NAP1L4: variants seen among roughly 807,000 people sequenced by gnomAD.
NAP1L4 encodes nucleosome assembly protein 1 like 4, also known as nucleosome assembly protein 1-like 4.
Under a neutral mutation model 58.2 loss-of-function variants are expected in NAP1L4, and 15 were observed. That is an observed-to-expected ratio of 0.26 (90% CI 0.17 to 0.40). The LOEUF is 0.40. Ranked by LOEUF, NAP1L4 falls within the 10% of genes least tolerant of loss-of-function variation. The pLI is 1.00. For synonymous variants in NAP1L4, 171 were observed against 155.6 expected (o/e 1.10, Z -0.74); for missense variants, 384 against 451.1 (o/e 0.85, Z 1.35).
rs1275583724 is a variant in NAP1L4 at position 2,951,262 on chromosome 11, G to T, written c.1119C>A (p.Pro373=). 1.2e-6 allele frequency: 2 copies of T among 1,613,708 alleles called. No homozygotes were observed. Among genetic ancestry groups the T allele is most frequent in the Non-Finnish European group, 1.7e-6 (2 of 1,179,796 alleles). The part of the protein sequence containing the change: ...GEDEDDAEIN[P]KV ...GGGTGGCCCCAAAGTTACCAACCTT[G>T]GGGTTAATTTCCGCATCATCCTCGT... The change falls in exon 14 of 16, where the codon CCC becomes CCA. Residue 373 remains proline, a synonymous_variant. Transcript: ENST00000380542. This position sits in a 1 kb window ranked among gnomAD's most constrained non-coding sequence, Gnocchi z 4.0.
Position 2,955,777 on chromosome 11 carries a change from A to G in NAP1L4, c.893-11T>C. ...CTCCATCCCCGGATGCTAGAAAAAG[A>G]AAAGACAAAACATATTTAAATTACA... On this transcript the variant is annotated splice_polypyrimidine_tract_variant and intron_variant, in intron 10 of 15. Coordinates refer to ENST00000380542, the MANE Select transcript of NAP1L4 (RefSeq NM_005969.4). This position sits in a 1 kb window ranked among gnomAD's most constrained non-coding sequence, Gnocchi z 4.2. 6.2e-7 allele frequency: 1 copy of G among 1,612,100 alleles called. No homozygotes were observed. The highest frequency in any genetic ancestry group is 8.5e-7 in the Non-Finnish European group (1 of 1,178,702).
At chr11:2,972,029 A>G (rs1261499556) in intron 5 of NAP1L4, 73 bp downstream of exon 5, 1 of 1,407,994 alleles carries the variant, frequency 7.1e-7, no homozygotes, top group Non-Finnish European at 9.4e-7. Flanking sequence ...GTCAACTTAT[A>G]ATGGGTTTAT....
At chr11:2,968,505 G>A (rs2133961721) in intron 7 of NAP1L4, among the ~76,000 whole-genome samples, 1 of 152,238 alleles carries the variant, frequency 6.6e-6, no homozygotes, top group Non-Finnish European at 1.5e-5. Flanking sequence ...TTTCTGGTCT[G>A]GAAGGAGAAT....
rs114809364 is a variant in NAP1L4 at position 2,973,271 on chromosome 11, A to G, written c.174-1028T>C. Among the ~76,000 whole-genome samples, 847 of 152,352 alleles carry G rather than the reference A, an allele frequency of 5.6e-3. 4 individuals carry two copies. Among genetic ancestry groups the G allele is most frequent in the African/African-American group, 0.019 (792 of 41,580 alleles). ...ATGTTTTAAAAAATAGTTGTTATGT[A>G]TAACTTTTATAAATCAGAAGAAAAA... On this transcript the variant is annotated intron_variant, in intron 4 of 15. Coordinates refer to ENST00000380542, the MANE Select transcript of NAP1L4 (RefSeq NM_005969.4).
In NAP1L4 at chr11:2,968,225, C is replaced by T. The variant is rs374021118; in HGVS notation, c.534+1578G>A. ...GGAGATTTTCAACTCTCAGGGTGCA[C>T]ATTAGAGTTCCTAAAACCAACTCAA... is the stretch of plus-strand genomic sequence containing the variant. On this transcript the variant is annotated intron_variant, in intron 7 of 15. Coordinates refer to ENST00000380542, the MANE Select transcript of NAP1L4 (RefSeq NM_005969.4). Among the ~76,000 whole-genome samples, 11 of 152,312 alleles carry T rather than the reference C, an allele frequency of 7.2e-5. No individual in the cohort carries two copies. The East Asian group carries it at 1.5e-3, about 21-fold the overall frequency.
intron 7 of NAP1L4, among the ~76,000 whole-genome samples, chr11:2,965,393 T>G (rs1847209977): frequency 6.6e-6 from 1 of 152,198 alleles, no homozygotes; most frequent in Non-Finnish European, 1.5e-5. Context: ...TGGAAGCAGC[T>G]GGTGATGGTA....
At chr11:2,960,359 G>A (rs1846806223) in intron 8 of NAP1L4, among the ~76,000 whole-genome samples, 1 of 152,180 alleles carries the variant, frequency 6.6e-6, no homozygotes, top group Non-Finnish European at 1.5e-5. Context: ...TGCAGTGAAA[G>A]CAGTGACCCA....
rs372910616 is a variant in NAP1L4 at position 2,962,546 on chromosome 11, GAA to G, written c.606+2132_606+2133del. 3.1e-3 allele frequency among the ~76,000 whole-genome samples: 475 copies of G among 152,214 alleles called. 3 individuals are homozygous for G. Among genetic ancestry groups the G allele is most frequent in the African/African-American group, 0.011 (448 of 41,536 alleles). ...GACGCTTCATAATAATTTTACAAAG[GAA>G]AAAGAGTATGGGGAAATTCACTAAG... On this transcript the variant is annotated intron_variant, in intron 8 of 15. Coordinates refer to ENST00000380542, the MANE Select transcript of NAP1L4 (RefSeq NM_005969.4).
intron 10 of NAP1L4, 118 bp downstream of exon 10, chr11:2,958,281 T>C (rs1846669277): frequency 1.9e-6 from 2 of 1,059,324 alleles, no homozygotes; most frequent in South Asian, 1.3e-5. Flanking sequence ...AATGTGCCCC[T>C]ACTGACCACA....
chr11:2,991,219 T>C (rs1412693111), intron 1 of NAP1L4: 3 of 439,982 alleles, frequency 6.8e-6, no homozygotes, highest in Non-Finnish European at 1.4e-5. Flanking sequence ...ACCCTAAACA[T>C]GTCTGCCTCC....
intron 1 of NAP1L4, among the ~76,000 whole-genome samples, chr11:2,981,093 C>T (rs995566555): frequency 2.0e-5 from 3 of 151,800 alleles, no homozygotes; most frequent in African/African-American, 7.3e-5. Context: ...ACAAAATTAG[C>T]CAGGCGTGCT....
intron 1 of NAP1L4, chr11:2,983,891 C>CAGG (rs111620272): frequency 0.29 from 43,730 of 151,192 alleles, 7,088 homozygotes; most frequent in African/African-American, 0.44. Context: ...GAGGCTGAGG[C>CAGG]AGGAGAATCG....
rs961307833 is a variant in NAP1L4 at position 2,969,750 on chromosome 11, G to A, written c.534+53C>T. Reference sequence around the variant, plus strand: ...AGTGCTTAAAAAATGCCATAGATAAGTAATGTTAGAAGACTAGCACATAAT... The same window carrying A: ...AGTGCTTAAAAAATGCCATAGATAAATAATGTTAGAAGACTAGCACATAAT... On this transcript the variant is annotated intron_variant, in intron 7 of 15. Coordinates refer to ENST00000380542, the MANE Select transcript of NAP1L4 (RefSeq NM_005969.4). 9.7e-6 allele frequency: 15 copies of A among 1,554,264 alleles called. No homozygotes were observed. In the East Asian group the frequency reaches 3.2e-4, roughly 33 times the overall value.
chr11:2,976,606 T>C (rs752131030), intron 3 of NAP1L4, among the ~76,000 whole-genome samples: 4 of 152,238 alleles, frequency 2.6e-5, no homozygotes, highest in Admixed American at 6.5e-5. Flanking sequence ...CTGCCAGCAC[T>C]GTTCCCTAAG....
intron 1 of NAP1L4, among the ~76,000 whole-genome samples, chr11:2,987,770 A>C (rs1848730771): frequency 6.6e-6 from 1 of 151,576 alleles, no homozygotes; most frequent in East Asian, 1.9e-4. Flanking sequence ...AAAAAAAAAA[A>C]AAAAAAAGCA....
At chr11:2,984,438 G>A (rs761701226) in intron 1 of NAP1L4, among the ~76,000 whole-genome samples, 3 of 152,070 alleles carry the variant, frequency 2.0e-5, no homozygotes, top group Admixed American at 6.5e-5. Flanking sequence ...GGGCATGGTG[G>A]CGCATGCCTG....
rs2020201750 is a variant in NAP1L4, at chr11:2,949,247, AACAG to A, written c.*8_*11del. 2 of 1,600,780 alleles carry A rather than the reference AACAG, an allele frequency of 1.2e-6. No individual in the cohort carries two copies. The highest frequency in any genetic ancestry group is 1.3e-5 in the African/African-American group (1 of 74,600). On this transcript the variant is annotated 3_prime_UTR_variant, in exon 15 of 16. Transcript: ENST00000380542. This position sits in a 1 kb window ranked among gnomAD's most constrained non-coding sequence, Gnocchi z 4.0. ...CTTACCTAGAAACGTATGAATGATT[AACAG>A]ACAAAAATTACACCTAAATGGGGAA...
intron 1 of NAP1L4, among the ~76,000 whole-genome samples, chr11:2,979,890 C>T (rs6578305): frequency 0.45 from 67,722 of 152,058 alleles, 16,204 homozygotes; most frequent in African/African-American, 0.62. Context: ...CACAAACATA[C>T]ATTAATGATA....
intron 6 of NAP1L4, among the ~76,000 whole-genome samples, chr11:2,970,674 A>C (rs955480433): frequency 6.6e-6 from 1 of 152,200 alleles, no homozygotes; most frequent in African/African-American, 2.4e-5. Flanking sequence ...GATTGTTATG[A>C]TGAAATGATC....
Sources: gnomAD v4.1 joint callset for allele counts (sites outside exome capture counted in the v4.1 genomes callset) on GRCh38, gnomAD v4.1.1 for gene constraint, Gnocchi (gnomAD v3.1) non-coding constraint, MANE v1.5 for transcripts, NCBI Gene and HGNC (gene_info 2026-07-23, HGNC 2026-07-21) for gene names.